TACR2: variants seen among roughly 807,000 people sequenced by gnomAD.
The protein encoded by TACR2 is tachykinin receptor 2, also known as substance-K receptor.
In TACR2, 24 loss-of-function variants were observed where a neutral mutation model predicts 28.9. That is an observed-to-expected ratio of 0.83 (90% CI 0.60 to 1.17). The LOEUF (loss-of-function observed/expected upper bound fraction) is 1.17, where lower values mean the gene tolerates loss of function less well. TACR2 is among the 50% of genes most tolerant of loss of function. The pLI, the probability that TACR2 is intolerant of heterozygous loss-of-function variation, is 0.00. For synonymous variants in TACR2, 222 were observed against 212.6 expected (o/e 1.04, Z -0.38); for missense variants, 487 against 524.4 (o/e 0.93, Z 0.70).
chr10:69,404,995 G>A lies in TACR2; in HGVS notation c.1028C>T (p.Ser343Phe). ...EDKLELTPTT[S>F]LSTRVNRCHT... ...ACACCTGTTGACTCTCGTGGAGAGG[G>A]AGGTCGTGGGAGTCAGCTCGAGCTT... The change falls in exon 5 of 5, where the codon TCC becomes TTC. Residue 343 changes from serine (S) to phenylalanine (F), a missense_variant. Coordinates refer to ENST00000373306, the MANE Select transcript of TACR2 (RefSeq NM_001057.3). 1.2e-6 allele frequency: 2 copies of A among 1,614,176 alleles called. No individual in the cohort carries two copies. The highest frequency in any genetic ancestry group is 1.7e-6 in the Non-Finnish European group (2 of 1,180,026).
At chr10:69,409,907 A>ATATACATATATATATATATACATG in intron 2 of TACR2, among the ~76,000 whole-genome samples, 1 of 16,648 alleles carries the variant, frequency 6.0e-5, no homozygotes, top group East Asian at 8.4e-4. Context: ...ATATATACAT[A>ATATACATATATATATATATACATG]TATATATATA....
chr10:69,415,165 G>T (rs201947329), intron 1 of TACR2, 26 bp from the exon 2 acceptor site: 35 of 1,595,292 alleles, frequency 2.2e-5, no homozygotes, highest in Non-Finnish European at 2.7e-5. Context: ...AGCTTGAGCG[G>T]CAGGGGCCCT....
chr10:69,413,768 AT>A (rs1840588006), intron 2 of TACR2, among the ~76,000 whole-genome samples: 1 of 152,186 alleles, frequency 6.6e-6, no homozygotes, highest in Admixed American at 6.5e-5. Context: ...GCACACCCTC[AT>A]GCTTGGGGCA....
intron 2 of TACR2, among the ~76,000 whole-genome samples, chr10:69,414,176 G>A (rs1328380864): frequency 6.6e-6 from 1 of 152,168 alleles, no homozygotes; most frequent in Non-Finnish European, 1.5e-5. Flanking sequence ...CACAGCAGCT[G>A]GGCCATGCCT....
rs1564582967 is a variant in TACR2, at chr10:69,415,940, A to C, written c.384T>G (p.Ala128=). The C allele has an allele frequency of 1.2e-6, 2 of 1,612,484 alleles. No homozygotes were observed. Among genetic ancestry groups the C allele is most frequent in the African/African-American group, 2.7e-5 (2 of 74,942 alleles). ...FVSIYSMTAI[A]ADRYMAIVHP... Reference sequence around the variant, plus strand: ...CCCAAGGACCCTCTTGCCTGTCGGCAGCAATGGCGGTCATGGAGTAGATGC... The same window carrying C: ...CCCAAGGACCCTCTTGCCTGTCGGCCGCAATGGCGGTCATGGAGTAGATGC... Residue 128 remains alanine, a synonymous_variant, in exon 1 of 5, where the codon GCT becomes GCG. Coordinates refer to ENST00000373306, the MANE Select transcript of TACR2 (RefSeq NM_001057.3).
intron 2 of TACR2, among the ~76,000 whole-genome samples, chr10:69,414,726 A>G (rs537700190): frequency 2.0e-4 from 30 of 152,306 alleles, no homozygotes; most frequent in Non-Finnish European, 3.4e-4. Flanking sequence ...AAATGGGTCA[A>G]TATATGTAAA....
chr10:69,416,242 T>C lies in TACR2; in HGVS notation c.82A>G (p.Met28Val). ...CACAGTGCCAGTTGCCAGCTGGGCA[T>C]GGAGAAGGCTGTGATGCCCGTGGTG... Reference protein sequence around the residue: ...SNTTGITAFSMPSWQLALWAT... With the variant: ...SNTTGITAFSVPSWQLALWAT... Residue 28 changes from methionine (M) to valine (V), a missense_variant, in exon 1 of 5, where the codon ATG becomes GTG. By Grantham distance (21) the Met-to-Val change is conservative. Coordinates refer to ENST00000373306, the MANE Select transcript of TACR2 (RefSeq NM_001057.3). 2 of 1,613,878 alleles carry C rather than the reference T, an allele frequency of 1.2e-6. No individual in the cohort carries two copies. The highest frequency in any genetic ancestry group is 1.7e-6 in the Non-Finnish European group (2 of 1,179,842).
rs1564579987 is a variant in TACR2, at chr10:69,407,151, C to T, written c.871G>A (p.Ala291Thr). The T allele has an allele frequency of 1.2e-6, 2 of 1,613,976 alleles. No homozygotes were observed. The highest frequency in any genetic ancestry group is 8.5e-7 in the Non-Finnish European group (1 of 1,179,962). The change falls in exon 4 of 5, where the codon GCA (alanine) becomes ACA (threonine). Residue 291 changes from alanine to threonine, a missense_variant. Coordinates refer to ENST00000373306, the MANE Select transcript of TACR2 (RefSeq NM_001057.3). ...GAGCTCATGGCCAACCAGAAGAGTG[C>T]CAGGTAGACTTGCTGGATGAACTTG... ...CHKFIQQVYL[A>T]LFWLAMSSTM...
At chr10:69,407,027 C>G (rs953595905) in intron 4 of TACR2, 57 bp downstream of exon 4, 19 of 1,586,328 alleles carry the variant, frequency 1.2e-5, no homozygotes, top group Non-Finnish European at 1.5e-5. Context: ...GGGAGCCCAC[C>G]TGGGGCTGGG....
rs560004465 is a variant in TACR2 at position 69,406,961 on chromosome 10, G to A, written c.938+123C>T. On this transcript the variant is annotated intron_variant, in intron 4 of 4. Coordinates refer to ENST00000373306, the MANE Select transcript of TACR2 (RefSeq NM_001057.3). ...GAGGACGGCTTTCTCATGTAGGCTG[G>A]GGGCACAGGGCCACAGGTTCCGGCA... 1.5e-5 allele frequency: 15 copies of A among 986,664 alleles called. No homozygotes were observed. The African/African-American group carries it at 2.1e-4, about 14-fold the overall frequency. The allele number at this position is 986,664 out of a possible 1,614,324, so 61.1% of individuals were successfully genotyped here. A position where few individuals can be genotyped will look rare whatever the true frequency, so the allele number is the denominator to read the frequency against.
intron 2 of TACR2, among the ~76,000 whole-genome samples, chr10:69,412,288 C>T (rs1483447835): frequency 2.6e-5 from 4 of 152,144 alleles, no homozygotes; most frequent in African/African-American, 9.7e-5. Flanking sequence ...CTCCTAAAGT[C>T]TTGTGTTTAG....
At position 69,416,451 on chromosome 10, in the gene TACR2, G is replaced by C; in HGVS notation, c.-128C>G. The stretch of plus-strand genomic sequence containing the variant: ...AGAGGAGCAGATGCCAAGCGTGGTG[G>C]CACATCAGGAGAGCCTGGGGCCACT... On this transcript the variant is annotated 5_prime_UTR_variant, in exon 1 of 5. Coordinates refer to ENST00000373306, the MANE Select transcript of TACR2 (RefSeq NM_001057.3). The C allele has an allele frequency of 1.5e-6, 2 of 1,356,092 alleles. No homozygotes were observed. Among genetic ancestry groups the C allele is most frequent in the Non-Finnish European group, 2.0e-6 (2 of 1,011,752 alleles). The allele number at this position is 1,356,092 out of a possible 1,614,324, so 84.0% of individuals were successfully genotyped here.
chr10:69,414,706 T>C (rs1840596764), intron 2 of TACR2, among the ~76,000 whole-genome samples: 1 of 152,098 alleles, frequency 6.6e-6, no homozygotes, highest in Non-Finnish European at 1.5e-5. Context: ...CCCACATAGT[T>C]AGGAGAATTA....
intron 4 of TACR2, 43 bp from the exon 5 acceptor site, chr10:69,405,127 C>T: frequency 6.4e-7 from 1 of 1,558,816 alleles, no homozygotes; most frequent in South Asian, 1.2e-5. Context: ...GTTAGGGGCT[C>T]AGGAGCTGTG....
Position 69,413,482 on chromosome 10 carries a change from T to C in TACR2, c.587+1463A>G, listed in dbSNP as rs371448614. On this transcript the variant is annotated intron_variant, in intron 2 of 4. Coordinates refer to ENST00000373306, the MANE Select transcript of TACR2 (RefSeq NM_001057.3). ...ATATGTTCTGCTCTCCACCCTTTGC[T>C]GAGCCAGAAAGCCGGGCATTCCCCA... 1.3e-3 allele frequency among the ~76,000 whole-genome samples: 203 copies of C among 152,304 alleles called. No homozygotes were observed. In the Middle Eastern group the frequency reaches 0.014, roughly 10 times the overall value.
At chr10:69,409,929 A>ATATATATATG (rs1840554468) in intron 2 of TACR2, among the ~76,000 whole-genome samples, 1 of 79,402 alleles carries the variant, frequency 1.3e-5, no homozygotes, top group South Asian at 4.6e-4. Context: ...ATATATATAT[A>ATATATATATG]TATATATATA....
At chr10:69,410,531 C>A (rs7911347) in intron 2 of TACR2, among the ~76,000 whole-genome samples, 53,888 of 111,170 alleles carry the variant, frequency 0.48, 11,769 homozygotes, top group African/African-American at 0.61. Context: ...AAAAAAAAAA[C>A]AAAAAAACGA....
chr10:69,409,919 A>ATATATATATATG (rs1564581146), intron 2 of TACR2, among the ~76,000 whole-genome samples: 1 of 66,186 alleles, frequency 1.5e-5, no homozygotes, highest in Non-Finnish European at 3.0e-5. Context: ...ATATATATAT[A>ATATATATATATG]TATATATATA....
chr10:69,413,187 A>G (rs1215095251), intron 2 of TACR2, among the ~76,000 whole-genome samples: 1 of 152,176 alleles, frequency 6.6e-6, no homozygotes, highest in African/African-American at 2.4e-5. Context: ...ACACACAGTT[A>G]CATGAGCCTG....
Sources: allele counts gnomAD v4.1 joint callset (sites outside exome capture counted in the v4.1 genomes callset), GRCh38; gene constraint gnomAD v4.1.1; transcripts MANE v1.5; gene names NCBI Gene and HGNC (gene_info 2026-07-23, HGNC 2026-07-21).